Variants in VNN1 observed in about 807,000 individuals in gnomAD.
VNN1 encodes vanin 1.
In VNN1, 29 loss-of-function variants were observed where a neutral mutation model predicts 41.9. That is an observed-to-expected ratio of 0.69 (90% CI 0.52 to 0.94). The LOEUF is 0.94. VNN1 is among the 40% of genes least tolerant of loss of function. VNN1 has a pLI of 0.00. For synonymous variants in VNN1, 233 were observed against 224.4 expected (o/e 1.04, Z -0.34); for missense variants, 637 against 621.1 (o/e 1.03, Z -0.27).
intron 2 of VNN1, among the ~76,000 whole-genome samples, chr6:132,709,121 A>G (rs535130328): frequency 1.3e-5 from 2 of 152,204 alleles, no homozygotes; most frequent in South Asian, 4.1e-4. Flanking sequence ...TATTTTTTCC[A>G]TAACATTTAC....
chr6:132,694,047 T>C lies in VNN1; in HGVS notation c.477A>G (p.Gln159=). Residue 159 remains glutamine, a synonymous_variant, in exon 3 of 7, where the codon CAA becomes CAG. Transcript: ENST00000367928. ...DPQCPPDGRY[Q]YNTDVVFDSQ... is the part of the protein sequence containing the mutation. ...AATCAAATACCACATCAGTGTTGTA[T>C]TGGTAACGGCCATCAGGGGGACACT... is the stretch of plus-strand genomic sequence containing the variant. 1 of 1,614,212 alleles carries C rather than the reference T, an allele frequency of 6.2e-7. No individual in the cohort carries two copies.
chr6:132,698,806 C>A (rs2114356874), intron 2 of VNN1: 1 of 221,054 alleles, frequency 4.5e-6, no homozygotes, highest in East Asian at 1.2e-4. Context: ...TGAAACCTGA[C>A]TGTCAGAAAC....
chr6:132,696,675 G>GAA (rs34350742), intron 2 of VNN1, among the ~76,000 whole-genome samples: 50 of 149,400 alleles, frequency 3.3e-4, no homozygotes, highest in East Asian at 1.6e-3. Flanking sequence ...AGTACTGAAA[G>GAA]AAAAAAAAAT....
At chr6:132,692,972 T>C in intron 4 of VNN1, 52 bp downstream of exon 4, 5 of 1,501,410 alleles carry the variant, frequency 3.3e-6, no homozygotes, top group South Asian at 1.4e-5. Context: ...GTTTTTTTTT[T>C]CTTTTCTTTT....
At chr6:132,706,815 A>G (rs1001229512) in intron 2 of VNN1, among the ~76,000 whole-genome samples, 2 of 151,278 alleles carry the variant, frequency 1.3e-5, no homozygotes, top group Non-Finnish European at 2.9e-5. Flanking sequence ...TATAGGAAAA[A>G]AAATCTAATA....
At chr6:132,704,333 TA>T (rs999207155) in intron 2 of VNN1, among the ~76,000 whole-genome samples, 2 of 151,800 alleles carry the variant, frequency 1.3e-5, no homozygotes, top group African/African-American at 2.4e-5. Context: ...CTTAAAACAT[TA>T]AAAAAAATTG....
chr6:132,690,737 G>A (rs1392263887), intron 5 of VNN1, among the ~76,000 whole-genome samples: 1 of 151,822 alleles, frequency 6.6e-6, no homozygotes, highest in African/African-American at 2.4e-5. Flanking sequence ...TATTGTTAGG[G>A]TAGTTATCAT....
intron 2 of VNN1, among the ~76,000 whole-genome samples, chr6:132,700,058 G>T (rs550257808): frequency 6.6e-6 from 1 of 152,204 alleles, no homozygotes; most frequent in African/African-American, 2.4e-5. Context: ...AGACAATAGG[G>T]ACAAAAAGTT....
chr6:132,693,940 T>G (rs758844193), intron 3 of VNN1, 50 bp downstream of exon 3: 2 of 1,602,988 alleles, frequency 1.2e-6, no homozygotes, highest in Non-Finnish European at 1.7e-6. Context: ...CCTTGCCCAC[T>G]TTATTTCATT....
chr6:132,694,974 G>C (rs892404591), intron 2 of VNN1, among the ~76,000 whole-genome samples: 1 of 152,094 alleles, frequency 6.6e-6, no homozygotes, highest in Non-Finnish European at 1.5e-5. Context: ...CCAACATGAA[G>C]AAACCCCGTC....
At chr6:132,698,147 T>C (rs1778398050) in intron 2 of VNN1, among the ~76,000 whole-genome samples, 1 of 152,254 alleles carries the variant, frequency 6.6e-6, no homozygotes, top group Non-Finnish European at 1.5e-5. Context: ...GAAATCTGCC[T>C]GTTGCTTCAT....
At chr6:132,711,576 A>G in intron 2 of VNN1, 133 bp downstream of exon 2, 3 of 1,034,898 alleles carry the variant, frequency 2.9e-6, no homozygotes, top group Non-Finnish European at 4.1e-6. Flanking sequence ...AAATATACCC[A>G]TAGTAGATGA....
At chr6:132,709,936 T>A (rs1778575045) in intron 2 of VNN1, among the ~76,000 whole-genome samples, 1 of 152,094 alleles carries the variant, frequency 6.6e-6, no homozygotes, top group Non-Finnish European at 1.5e-5. Context: ...AAGAAATAAT[T>A]ATGGTACAAT....
intron 1 of VNN1, 23 bp downstream of exon 1, chr6:132,713,803 T>A (rs372525151): frequency 1.2e-6 from 2 of 1,611,540 alleles, no homozygotes; most frequent in Non-Finnish European, 1.7e-6. Context: ...TCCAGTACAC[T>A]GGAGAGATGG....
At chr6:132,695,257 C>T (rs1457063186) in intron 2 of VNN1, among the ~76,000 whole-genome samples, 1 of 152,160 alleles carries the variant, frequency 6.6e-6, no homozygotes, top group Non-Finnish European at 1.5e-5. Flanking sequence ...AACAATTGCA[C>T]TGTTGGAATC....
intron 3 of VNN1, among the ~76,000 whole-genome samples, chr6:132,693,569 A>G (rs1376288064): frequency 1.3e-5 from 2 of 152,212 alleles, no homozygotes; most frequent in African/African-American, 4.8e-5. Context: ...TATAAGACAT[A>G]AAATAGATTA....
chr6:132,683,991 C>T (rs1465085304), intron 6 of VNN1, among the ~76,000 whole-genome samples: 1 of 152,160 alleles, frequency 6.6e-6, no homozygotes, highest in Non-Finnish European at 1.5e-5. Context: ...GGACTCCTTT[C>T]AACTTCCCTA....
In VNN1 at chr6:132,708,901, C is replaced by T. The variant is rs553523527; in HGVS notation, c.341+2808G>A. 5.9e-5 allele frequency among the ~76,000 whole-genome samples: 9 copies of T among 152,242 alleles called. No individual in the cohort carries two copies. The South Asian group carries it at 1.9e-3, about 32-fold the overall frequency. On this transcript the variant is annotated intron_variant, in intron 2 of 6. Coordinates refer to ENST00000367928, the MANE Select transcript of VNN1 (RefSeq NM_004666.3). ...TCACATCACTGTAACCACACTAACC[C>T]TTTTTCTGTTCCATAGGTTAGACAC...
intron 2 of VNN1, among the ~76,000 whole-genome samples, chr6:132,700,997 A>G (rs1778441846): frequency 6.6e-6 from 1 of 152,182 alleles, no homozygotes; most frequent in Admixed American, 6.5e-5. Context: ...AAATTTAGGG[A>G]AACTGCCTAA....
Sources: gnomAD v4.1 joint callset for allele counts (sites outside exome capture counted in the v4.1 genomes callset) on GRCh38, gnomAD v4.1.1 for gene constraint, MANE v1.5 for transcripts, NCBI Gene and HGNC (gene_info 2026-07-23, HGNC 2026-07-21) for gene names.